The following TSPAN11 variants were observed in gnomAD, a reference collection of about 807,000 sequenced individuals.
The protein encoded by TSPAN11 is tetraspanin 11.
In TSPAN11, 29 loss-of-function variants were observed where a neutral mutation model predicts 32.9. The ratio of observed to expected loss-of-function variants is 0.88; its 90% confidence interval spans 0.66 to 1.20. The LOEUF (loss-of-function observed/expected upper bound fraction) is 1.20. Ranked by LOEUF, TSPAN11 falls within the 50% of genes most tolerant of loss-of-function variation. The pLI, the probability that TSPAN11 is intolerant of heterozygous loss-of-function variation, is 0.00. For missense variants in TSPAN11, 283 were observed against 329.1 expected, an observed-to-expected ratio of 0.86 and a Z score of 1.08; for synonymous variants, 140 against 141.3, an observed-to-expected ratio of 0.99 and a Z score of 0.07.
chr12:30,957,241 C>CCCA (rs1555197194), intron 2 of TSPAN11, among the ~76,000 whole-genome samples: 2 of 132,188 alleles, frequency 1.5e-5, no homozygotes, highest in African/African-American at 2.9e-5. Flanking sequence ...CCCCCCCCCC[C>CCCA]CACACCATGG....
At chr12:30,967,462 A>G (rs1386423974) in intron 3 of TSPAN11, among the ~76,000 whole-genome samples, 2 of 152,184 alleles carry the variant, frequency 1.3e-5, no homozygotes, top group Non-Finnish European at 2.9e-5. Context: ...TGAGGCAGAG[A>G]GGGGCACAGC....
intron 2 of TSPAN11, among the ~76,000 whole-genome samples, chr12:30,961,843 G>A (rs1938619446): frequency 6.6e-6 from 1 of 152,038 alleles, no homozygotes; most frequent in African/African-American, 2.4e-5. Context: ...CAGGCATGCT[G>A]AAGGGGGCAA....
chr12:30,967,426 G>T (rs1286426190), intron 3 of TSPAN11, among the ~76,000 whole-genome samples: 1 of 152,216 alleles, frequency 6.6e-6, no homozygotes, highest in South Asian at 2.1e-4. Flanking sequence ...GAGTCAACAG[G>T]CAGTGAGCCT....
chr12:30,964,424 C>G (rs188210197), intron 3 of TSPAN11, among the ~76,000 whole-genome samples: 2 of 152,138 alleles, frequency 1.3e-5, no homozygotes, highest in East Asian at 1.9e-4. Context: ...TCCTCTCCCT[C>G]TCCCTCTTCC....
chr12:30,947,320 T>G (rs1938288591), intron 1 of TSPAN11, among the ~76,000 whole-genome samples: 1 of 152,196 alleles, frequency 6.6e-6, no homozygotes, highest in Non-Finnish European at 1.5e-5. Context: ...CCCCTTTCCC[T>G]TGAGGCAGCA....
At chr12:30,973,087 T>C (rs1565799796) in intron 3 of TSPAN11, among the ~76,000 whole-genome samples, 1 of 152,122 alleles carries the variant, frequency 6.6e-6, no homozygotes, top group African/African-American at 2.4e-5. Context: ...AGCTCATCCG[T>C]CCATCCCTCC....
At chr12:30,972,634 T>C (rs776894880) in intron 3 of TSPAN11, among the ~76,000 whole-genome samples, 1 of 152,120 alleles carries the variant, frequency 6.6e-6, no homozygotes, top group East Asian at 1.9e-4. Flanking sequence ...TTACCTAGCT[T>C]CTGAGGTAAG....
At chr12:30,958,793 G>T (rs1264960197) in intron 2 of TSPAN11, among the ~76,000 whole-genome samples, 1 of 152,128 alleles carries the variant, frequency 6.6e-6, no homozygotes. Context: ...AGGGGCAGTG[G>T]CAGTGTCAGG....
At chr12:30,955,181 A>G (rs1349059620) in intron 2 of TSPAN11, 1 of 152,220 alleles carries the variant, frequency 6.6e-6, no homozygotes, top group Non-Finnish European at 1.5e-5. Context: ...TATCTGTTAA[A>G]AAGTTGTGCG....
At chr12:31,000,068 T>A (rs1939463106), downstream of TSPAN11, among the ~76,000 whole-genome samples, 2 of 152,222 alleles carry the variant, frequency 1.3e-5, no homozygotes, top group Non-Finnish European at 1.5e-5. Context: ...GTCATTAAAC[T>A]CAGCAAAAGC....
chr12:31,013,326 G>A, the TSPAN11 span, among the ~76,000 whole-genome samples: 2 of 152,098 alleles, frequency 1.3e-5, no homozygotes, highest in African/African-American at 4.8e-5. Flanking sequence ...GGGAGCAGTG[G>A]CTCACACCTA....
chr12:30,929,563 A>C (rs1937874218), intron 1 of TSPAN11, among the ~76,000 whole-genome samples: 1 of 152,024 alleles, frequency 6.6e-6, no homozygotes, highest in South Asian at 2.1e-4. Flanking sequence ...ATCTAGGGTG[A>C]CTCTGTCTGT....
intron 2 of TSPAN11, among the ~76,000 whole-genome samples, chr12:30,961,654 A>C (rs1938616006): frequency 6.6e-6 from 1 of 151,998 alleles, no homozygotes; most frequent in Non-Finnish European, 1.5e-5. Context: ...GGCTCTCAAA[A>C]CATTAGATCC....
intron 1 of TSPAN11, among the ~76,000 whole-genome samples, chr12:30,927,660 G>C (rs1407584317): frequency 2.6e-5 from 4 of 152,192 alleles, no homozygotes; most frequent in Non-Finnish European, 5.9e-5. Flanking sequence ...GGGTGTGTGT[G>C]GGGGAGCGTG....
At chr12:30,950,053 C>G (rs1938351076) in intron 1 of TSPAN11, among the ~76,000 whole-genome samples, 1 of 152,060 alleles carries the variant, frequency 6.6e-6, no homozygotes. Flanking sequence ...CCTGATGGGA[C>G]CTCCTCTCTA....
intron 1 of TSPAN11, among the ~76,000 whole-genome samples, chr12:30,944,176 C>T (rs1938221526): frequency 6.6e-6 from 1 of 152,062 alleles, no homozygotes; most frequent in African/African-American, 2.4e-5. Context: ...AGCATATATA[C>T]ATTGTGGAAT....
chr12:30,962,378 G>A (rs1353330546), intron 2 of TSPAN11, among the ~76,000 whole-genome samples: 1 of 152,192 alleles, frequency 6.6e-6, no homozygotes, highest in Admixed American at 6.5e-5. Flanking sequence ...CAGGAGACAT[G>A]GGGTTGAATC....
rs1057382525 is a variant in TSPAN11 at position 30,995,008 on chromosome 12, G to A, written c.*3093G>A. 6.6e-6 allele frequency: 1 copy of A among 152,216 alleles called. No individual in the cohort carries two copies. The highest frequency in any genetic ancestry group is 6.5e-5 in the Admixed American group (1 of 15,282). The allele number at this position is 152,216 out of a possible 1,614,324, so 9.4% of individuals were successfully genotyped here. ...AACAGAGTGTCACTCAGGGGGCACTGTCACAAAGCAGCACCCATGGCACAT... is the reference window on the plus strand; with the variant it reads ...AACAGAGTGTCACTCAGGGGGCACTATCACAAAGCAGCACCCATGGCACAT... On this transcript the variant is annotated 3_prime_UTR_variant, in exon 8 of 8. Coordinates refer to ENST00000546076, the MANE Select transcript of TSPAN11 (RefSeq NM_001370302.1).
downstream of TSPAN11, among the ~76,000 whole-genome samples, chr12:30,999,939 GC>G (rs1939461835): frequency 6.6e-6 from 1 of 152,108 alleles, no homozygotes; most frequent in Non-Finnish European, 1.5e-5. Context: ...AGTCTCTGGA[GC>G]CACAAAGGGG....
Sources: allele counts gnomAD v4.1 joint callset (sites outside exome capture counted in the v4.1 genomes callset), GRCh38; gene constraint gnomAD v4.1.1; transcripts MANE v1.5; gene names NCBI Gene and HGNC (gene_info 2026-07-23, HGNC 2026-07-21).